MAPK10: variants seen among roughly 807,000 people sequenced by gnomAD.
MAPK10 encodes the protein mitogen-activated protein kinase 10.
MAPK10 carries 25 observed loss-of-function variants against 59.3 expected under a neutral mutation model. The observed-to-expected ratio is 0.42, with a 90% CI of 0.31 to 0.59. MAPK10 has a LOEUF of 0.59. MAPK10 is among the 20% of genes least tolerant of loss of function. The pLI is 0.15. For missense variants in MAPK10, 351 were observed against 568.9 expected, an observed-to-expected ratio of 0.62 and a Z score of 3.90; for synonymous variants, 190 against 200.5, an observed-to-expected ratio of 0.95 and a Z score of 0.44.
At chr4:86,424,447 C>T (rs1747000627) in intron 1 of MAPK10, among the ~76,000 whole-genome samples, 1 of 152,166 alleles carries the variant, frequency 6.6e-6, no homozygotes, top group African/African-American at 2.4e-5. Context: ...CCCTCGCCTC[C>T]CAAAGTGTTG....
chr4:86,269,581 A>G (rs1386986552), intron 2 of MAPK10, among the ~76,000 whole-genome samples: 1 of 151,952 alleles, frequency 6.6e-6, no homozygotes, highest in South Asian at 2.1e-4. Context: ...TCTCGCCTCT[A>G]TCCAGCCTCC....
chr4:86,245,546 C>A (rs1271392725), intron 2 of MAPK10, among the ~76,000 whole-genome samples: 1 of 152,036 alleles, frequency 6.6e-6, no homozygotes, highest in East Asian at 1.9e-4. Flanking sequence ...ATTGCCCAGG[C>A]TGGTCTCAAA....
rs146235378 is a variant in MAPK10 at position 86,381,145 on chromosome 4, C to A, written c.-121-26501G>T. Among the ~76,000 whole-genome samples, 39 of 152,294 alleles carry A rather than the reference C, an allele frequency of 2.6e-4. 1 individual carries two copies. The East Asian group carries it at 7.3e-3, about 29-fold the overall frequency. On this transcript the variant is annotated intron_variant, in intron 1 of 13. Transcript: ENST00000361569. ...GTCTTCTCTTGGAATCTTTGAGGAT[C>A]TGGCAGTACTGGGGCCACATTCCAA... is the stretch of plus-strand genomic sequence containing the variant.
intron 2 of MAPK10, among the ~76,000 whole-genome samples, chr4:86,203,632 G>A (rs79339357): frequency 0.085 from 12,725 of 150,388 alleles, 1,187 homozygotes; most frequent in African/African-American, 0.23. Flanking sequence ...GATTTACTAT[G>A]AATGACTTTT....
chr4:86,422,152 T>C (rs1746619519), intron 1 of MAPK10, among the ~76,000 whole-genome samples: 1 of 152,216 alleles, frequency 6.6e-6, no homozygotes, highest in Non-Finnish European at 1.5e-5. Context: ...TGAGTGTTTA[T>C]TGGTCATCTG....
At chr4:86,496,259 C>T (rs907005483) in intron 1 of MAPK10, among the ~76,000 whole-genome samples, 3 of 152,106 alleles carry the variant, frequency 2.0e-5, no homozygotes, top group Non-Finnish European at 2.9e-5. Flanking sequence ...CTTTGTGCCC[C>T]GGGTTTTGGT....
At chr4:86,285,368 C>T (rs143400411) in intron 2 of MAPK10, among the ~76,000 whole-genome samples, 1 of 151,954 alleles carries the variant, frequency 6.6e-6, no homozygotes, top group African/African-American at 2.4e-5. Flanking sequence ...AGGTGCACAC[C>T]ACCATGCCCA....
At chr4:86,350,203 C>G (rs1022570268) in intron 2 of MAPK10, among the ~76,000 whole-genome samples, 1 of 151,726 alleles carries the variant, frequency 6.6e-6, no homozygotes, top group Admixed American at 6.6e-5. Context: ...AGGTGCCCAC[C>G]ACCATGTCCA....
At chr4:86,478,011 C>T (rs896643912) in intron 1 of MAPK10, among the ~76,000 whole-genome samples, 1 of 152,132 alleles carries the variant, frequency 6.6e-6, no homozygotes, top group South Asian at 2.1e-4. Context: ...CATCTGTTAC[C>T]TATCTCGGCA....
chr4:86,286,962 C>T (rs767289076), intron 2 of MAPK10, among the ~76,000 whole-genome samples: 1 of 152,078 alleles, frequency 6.6e-6, no homozygotes, highest in East Asian at 1.9e-4. Flanking sequence ...ATGCTGGCAC[C>T]GTTAACAGGA....
At chr4:86,076,175 C>G (rs1038678041) in intron 9 of MAPK10, among the ~76,000 whole-genome samples, 4 of 152,162 alleles carry the variant, frequency 2.6e-5, no homozygotes, top group Admixed American at 2.0e-4. Flanking sequence ...GTCTGTCACC[C>G]GTTTCTTTGA....
chr4:86,386,026 A>C (rs892867821), intron 1 of MAPK10, among the ~76,000 whole-genome samples: 1 of 152,188 alleles, frequency 6.6e-6, no homozygotes, highest in Non-Finnish European at 1.5e-5. Context: ...ATCGTCCAAG[A>C]TCTGCCCCCT....
upstream of MAPK10, among the ~76,000 whole-genome samples, chr4:86,457,368 T>C (rs1751328323): frequency 6.6e-6 from 1 of 152,190 alleles, no homozygotes; most frequent in Admixed American, 6.5e-5. Flanking sequence ...AGTCAAACTG[T>C]CACTGTTTGC....
intron 9 of MAPK10, among the ~76,000 whole-genome samples, chr4:86,085,125 G>C (rs990839444): frequency 6.6e-6 from 1 of 152,016 alleles, no homozygotes; most frequent in Non-Finnish European, 1.5e-5. Context: ...TAAATATAAG[G>C]CTTCAAATTA....
intron 5 of MAPK10, chr4:86,106,893 T>C (rs1389157209): frequency 1.5e-5 from 2 of 135,814 alleles, no homozygotes; most frequent in African/African-American, 7.2e-5. Context: ...GCTTTGTAGG[T>C]TTTTTTTTTC....
intron 1 of MAPK10, chr4:86,358,378 C>T (rs1016411517): frequency 2.7e-5 from 27 of 985,278 alleles, no homozygotes; most frequent in East Asian, 1.1e-4. Flanking sequence ...CACTTACACT[C>T]GTTTTCCTTC....
At chr4:86,547,498 C>A (rs1759318104) in intron 1 of MAPK10, among the ~76,000 whole-genome samples, 1 of 152,246 alleles carries the variant, frequency 6.6e-6, no homozygotes. Context: ...TCCCGCAGGG[C>A]AGGGCTCAGG....
chr4:86,541,251 G>A (rs879545479), intron 1 of MAPK10, among the ~76,000 whole-genome samples: 5 of 152,162 alleles, frequency 3.3e-5, no homozygotes, highest in Admixed American at 6.5e-5. Flanking sequence ...CTAAAGCCAG[G>A]GGTAGTTGGT....
At position 86,031,404 on chromosome 4, in the gene MAPK10, A is replaced by G. The variant is rs370218205; in HGVS notation, c.1138T>C (p.Leu380=). ...TCAATTGTGTGTTCTCTTTCATCCA[A>G]CTGCTTGTCATATATCTGAGGTGGA... ...APPPQIYDKQ[L]DEREHTIEEW... Residue 380 remains leucine, a synonymous_variant, in exon 12 of 14, where the codon TTG becomes CTG. Transcript: ENST00000641462. 40 of 1,612,762 alleles carry G rather than the reference A, an allele frequency of 2.5e-5. No homozygotes were observed. The highest frequency in any genetic ancestry group is 3.3e-5 in the Non-Finnish European group (39 of 1,179,182).
Sources: allele counts gnomAD v4.1 joint callset (sites outside exome capture counted in the v4.1 genomes callset), GRCh38; gene constraint gnomAD v4.1.1; transcripts MANE v1.5; gene names NCBI Gene and HGNC (gene_info 2026-07-23, HGNC 2026-07-21).